The following RELL1 variants were observed in gnomAD, a reference collection of about 807,000 sequenced individuals.
RELL1 encodes the protein RELT-like protein 1.
RELL1 carries 10 observed loss-of-function variants against 23.0 expected under a neutral mutation model. The observed-to-expected ratio is 0.43, with a 90% confidence interval of 0.27 to 0.74. The LOEUF is 0.74. Ranked by LOEUF, RELL1 falls within the 30% of genes least tolerant of loss-of-function variation. RELL1 has a pLI of 0.19. For synonymous variants in RELL1, 146 were observed against 146.8 expected, an observed-to-expected ratio of 0.99 and a Z score of 0.04; for missense variants, 315 against 364.4, an observed-to-expected ratio of 0.86 and a Z score of 1.10.
At chr4:37,642,982 T>A (rs1025387069) in intron 3 of RELL1, among the ~76,000 whole-genome samples, 10 of 152,204 alleles carry the variant, frequency 6.6e-5, no homozygotes, top group Non-Finnish European at 1.5e-5. Context: ...GCATCCTCTA[T>A]AACAAGCCAG....
At chr4:37,614,888 C>T (rs1305030025) in intron 6 of RELL1, among the ~76,000 whole-genome samples, 1 of 152,132 alleles carries the variant, frequency 6.6e-6, no homozygotes, top group Non-Finnish European at 1.5e-5. Context: ...TAACAGTTTT[C>T]ACTGCAACCT....
At chr4:37,596,668 C>T (rs573103234) in intron 6 of RELL1, among the ~76,000 whole-genome samples, 47 of 117,874 alleles carry the variant, frequency 4.0e-4, no homozygotes, top group African/African-American at 1.4e-3. Context: ...ATCAAATGAA[C>T]TAGTATATAT....
chr4:37,622,617 T>A, intron 6 of RELL1, among the ~76,000 whole-genome samples: 1 of 152,124 alleles, frequency 6.6e-6, no homozygotes, highest in South Asian at 2.1e-4. Flanking sequence ...CGGCATGATC[T>A]TGAACAACAC....
intron 6 of RELL1, among the ~76,000 whole-genome samples, chr4:37,628,463 A>T (rs1720024309): frequency 6.6e-6 from 1 of 152,200 alleles, no homozygotes; most frequent in Non-Finnish European, 1.5e-5. Context: ...AACTGTAGGT[A>T]TTATAATTAA....
chr4:37,614,069 A>G lies in RELL1; in HGVS notation c.*4-727T>C, dbSNP rs112918591. ...AAACGTTCTCCCACCTGCCAAAATCATGTGTACCCTATAAACACTAAACAA... is the reference window on the plus strand; with the variant it reads ...AAACGTTCTCCCACCTGCCAAAATCGTGTGTACCCTATAAACACTAAACAA... On this transcript the variant is annotated intron_variant, in intron 6 of 6. Transcript: ENST00000454158. 6.0e-3 allele frequency among the ~76,000 whole-genome samples: 915 copies of G among 152,246 alleles called. 7 individuals are homozygous for G. The highest frequency in any genetic ancestry group is 0.021 in the African/African-American group (875 of 41,522).
At chr4:37,620,408 C>G (rs1159204958) in intron 6 of RELL1, among the ~76,000 whole-genome samples, 1 of 152,160 alleles carries the variant, frequency 6.6e-6, no homozygotes, top group African/African-American at 2.4e-5. Context: ...GATTTACCAG[C>G]CTTTGAGATG....
downstream of RELL1, among the ~76,000 whole-genome samples, chr4:37,587,901 AG>A (rs1357131766): frequency 6.6e-6 from 1 of 152,160 alleles, no homozygotes; most frequent in Non-Finnish European, 1.5e-5. Context: ...CCTGGGAGGC[AG>A]AGGTTGCAGT....
At position 37,679,278 on chromosome 4, in the gene RELL1, C is replaced by T. The variant is rs138171514; in HGVS notation, c.88+6922G>A. On this transcript the variant is annotated intron_variant, in intron 1 of 6. Coordinates refer to ENST00000454158, the MANE Select transcript of RELL1 (RefSeq NM_001085400.2). Reference sequence around the variant, plus strand: ...TCTAATTGGCACCCATTCATAAAGTCACTTGGAATAAACAAAATCTTAGTT... The same window carrying T: ...TCTAATTGGCACCCATTCATAAAGTTACTTGGAATAAACAAAATCTTAGTT... 3.0e-4 allele frequency among the ~76,000 whole-genome samples: 46 copies of T among 152,310 alleles called. 1 individual carries two copies. The highest frequency in any genetic ancestry group is 1.0e-3 in the African/African-American group (43 of 41,556).
intron 3 of RELL1, among the ~76,000 whole-genome samples, chr4:37,639,399 AAAAAAAAAAT>A (rs1215259443): frequency 6.6e-6 from 1 of 151,698 alleles, no homozygotes; most frequent in African/African-American, 2.4e-5. Flanking sequence ...AAAAAAAAAA[AAAAAAAAAAT>A]TTCAAGTATT....
intron 1 of RELL1, among the ~76,000 whole-genome samples, chr4:37,681,286 A>G (rs1309493682): frequency 3.3e-5 from 5 of 152,230 alleles, no homozygotes; most frequent in Non-Finnish European, 7.3e-5. Context: ...ATGACGTAAT[A>G]TAAATCAAGC....
In RELL1 at chr4:37,612,342, A is replaced by AAAAAAAAAAAAAAC. The variant is rs1719428888; in HGVS notation, c.*1003_*1004insGTTTTTTTTTTTTT. On this transcript the variant is annotated 3_prime_UTR_variant, in exon 7 of 7. Coordinates refer to ENST00000454158, the MANE Select transcript of RELL1 (RefSeq NM_001085400.2). ...AAGGTTAAAAAAAAAAAAAAAACAA[A>AAAAAAAAAAAAAAC]AAAAAACAAAAAACCGGGTGCAGTG... is the stretch of plus-strand genomic sequence containing the variant. Among the ~76,000 whole-genome samples, 2 of 131,858 alleles carry AAAAAAAAAAAAAAC rather than the reference A, an allele frequency of 1.5e-5. No individual in the cohort carries two copies. The highest frequency in any genetic ancestry group is 5.8e-5 in the African/African-American group (2 of 34,766). 86.5% of individuals were successfully genotyped at this position (131,858 alleles called of 152,430 possible).
At chr4:37,587,752 T>C (rs1016888780), downstream of RELL1, among the ~76,000 whole-genome samples, 1 of 152,188 alleles carries the variant, frequency 6.6e-6, no homozygotes, top group Non-Finnish European at 1.5e-5. Context: ...GCAGATCACT[T>C]GAGGTCAGGA....
chr4:37,656,601 A>G (rs142917844), intron 1 of RELL1, among the ~76,000 whole-genome samples: 75 of 152,346 alleles, frequency 4.9e-4, no homozygotes, highest in African/African-American at 1.7e-3. Context: ...TTGGTCCCCA[A>G]TGTAACAGTG....
intron 6 of RELL1, among the ~76,000 whole-genome samples, chr4:37,616,167 T>G (rs984583294): frequency 6.6e-6 from 1 of 152,206 alleles, no homozygotes; most frequent in Non-Finnish European, 1.5e-5. Flanking sequence ...GGTACTGTCA[T>G]GCTAAGCACT....
chr4:37,605,611 G>A lies in RELL1; in HGVS notation c.*4-14394C>T, dbSNP rs537934295. ...ACAAAATGTAGCCAGGTGTGGTGGCGTATGCTTGTAATCCCAGCTACTCAG... is the reference window on the plus strand; with the variant it reads ...ACAAAATGTAGCCAGGTGTGGTGGCATATGCTTGTAATCCCAGCTACTCAG... On this transcript the variant is annotated intron_variant, in intron 6 of 6. Coordinates refer to the RELL1 transcript ENST00000314117. Among the ~76,000 whole-genome samples the A allele has an allele frequency of 7.3e-5, 11 of 151,724 alleles. No homozygotes were observed. In the South Asian group the frequency reaches 1.3e-3, roughly 17 times the overall value.
Position 37,635,045 on chromosome 4 carries a change from G to A in RELL1, c.522C>T (p.His174=), listed in dbSNP as rs368998124. 111 of 1,614,218 alleles carry A rather than the reference G, an allele frequency of 6.9e-5. No homozygotes were observed. The highest frequency in any genetic ancestry group is 5.6e-4 in the African/African-American group (42 of 75,038). The change falls in exon 5 of 7, where the codon CAC becomes CAT. Residue 174 remains histidine, a synonymous_variant. Coordinates refer to ENST00000454158, the MANE Select transcript of RELL1 (RefSeq NM_001085400.2). ...PLSPGGTPGK[H]VCGHHLHTVG... ...CCGTATGCAGATGATGGCCACAGAC[G>A]TGCTTCCCTGGCGTCCCCCCTGGTG... is the stretch of plus-strand genomic sequence containing the variant.
At chr4:37,590,663 A>T, downstream of RELL1, 1 of 1,614,158 alleles carries the variant, frequency 6.2e-7, no homozygotes, top group Non-Finnish European at 8.5e-7. Flanking sequence ...GATCATAATG[A>T]AAAGGACTGT....
exon 7 of RELL1, chr4:37,590,840 A>G (rs768230851): frequency 6.2e-7 from 1 of 1,614,256 alleles, no homozygotes; most frequent in Non-Finnish European, 8.5e-7. Flanking sequence ...GGTCCTGTTC[A>G]TGCCATGCCT....
chr4:37,606,648 C>A (rs1719230195), downstream of RELL1, among the ~76,000 whole-genome samples: 1 of 152,188 alleles, frequency 6.6e-6, no homozygotes, highest in South Asian at 2.1e-4. The surrounding 1 kb of genome is among the most constrained non-coding windows in gnomAD (Gnocchi z 4.1). Flanking sequence ...CCAGATTATA[C>A]CCCAGAGATA....
Sources: allele counts gnomAD v4.1 joint callset (sites outside exome capture counted in the v4.1 genomes callset), GRCh38; gene constraint gnomAD v4.1.1; non-coding constraint Gnocchi (gnomAD v3.1); transcripts MANE v1.5; gene names NCBI Gene and HGNC (gene_info 2026-07-23, HGNC 2026-07-21).